The following FRAS1 variants were observed in gnomAD, a reference collection of about 807,000 sequenced individuals.
FRAS1 encodes the protein Fraser extracellular matrix complex subunit 1.
A neutral mutation model predicts 435.2 loss-of-function variants in FRAS1; 290 were observed. That is an observed-to-expected ratio of 0.67 (90% CI 0.61 to 0.73). FRAS1 has a LOEUF of 0.73. Among genes scored for constraint, FRAS1 ranks in the 30% least tolerant of loss-of-function variants. The pLI, the probability that FRAS1 is intolerant of heterozygous loss-of-function variation, is 0.00. For synonymous variants in FRAS1, 1,800 were observed against 1,851.0 expected (o/e 0.97, Z 0.71); for missense variants, 4,860 against 5,001.5 (o/e 0.97, Z 0.85).
In FRAS1 at chr4:78,372,876, C is replaced by A. The variant is rs1363035284; in HGVS notation, c.3010+18C>A. The A allele has an allele frequency of 8.7e-6, 14 of 1,609,282 alleles. No individual in the cohort carries two copies. The South Asian group carries it at 9.9e-5, about 11-fold the overall frequency. ...CTGCAAGAGTAAGTGTGTAGAGGCC[C>A]TGCTCTGTGCTCAGCCATACCTTGG... On this transcript the variant is annotated intron_variant, in intron 24 of 73. Coordinates refer to ENST00000512123, the MANE Select transcript of FRAS1 (RefSeq NM_025074.7).
chr4:78,307,398 G>T (rs1294823467), intron 14 of FRAS1, among the ~76,000 whole-genome samples: 1 of 152,236 alleles, frequency 6.6e-6, no homozygotes, highest in African/African-American at 2.4e-5. Flanking sequence ...CCACCCAGTT[G>T]GAGCTTCCTG....
intron 20 of FRAS1, among the ~76,000 whole-genome samples, chr4:78,358,161 AG>A (rs33949087): frequency 0.17 from 25,667 of 152,096 alleles, 2,860 homozygotes; most frequent in African/African-American, 0.32. Flanking sequence ...TGAAAATTAT[AG>A]GAGTATAGTA....
intron 13 of FRAS1, 152 bp from the exon 14 acceptor site, chr4:78,286,253 A>G (rs1309852289): frequency 3.6e-6 from 3 of 824,140 alleles, no homozygotes; most frequent in Admixed American, 1.9e-5. Context: ...ACTGTGTGCT[A>G]TACAGATGAT....
At chr4:78,333,135 T>C in intron 18 of FRAS1, 137 bp from the exon 19 acceptor site, 1 of 931,724 alleles carries the variant, frequency 1.1e-6, no homozygotes, top group South Asian at 2.3e-5. Flanking sequence ...GTGTGAGATG[T>C]GCAGCCTGTC....
chr4:78,534,148 T>C (rs1450120131), intron 70 of FRAS1, among the ~76,000 whole-genome samples: 1 of 152,144 alleles, frequency 6.6e-6, no homozygotes, highest in African/African-American at 2.4e-5. Context: ...CGGGGAGCAC[T>C]TTAGAAGTCA....
intron 2 of FRAS1, among the ~76,000 whole-genome samples, chr4:78,183,230 G>A (rs1357981415): frequency 6.6e-6 from 1 of 152,150 alleles, no homozygotes; most frequent in Non-Finnish European, 1.5e-5. Context: ...GAGAGTAGTA[G>A]GTGGAATGAT....
chr4:78,404,117 G>A (rs1733009486), intron 30 of FRAS1, among the ~76,000 whole-genome samples: 1 of 152,098 alleles, frequency 6.6e-6, no homozygotes, highest in Non-Finnish European at 1.5e-5. Context: ...ATCATTTGAA[G>A]GAGAATCTGA....
At chr4:78,489,250 G>A (rs1245709560) in intron 59 of FRAS1, among the ~76,000 whole-genome samples, 170 bp downstream of exon 59, 1 of 152,156 alleles carries the variant, frequency 6.6e-6, no homozygotes, top group Non-Finnish European at 1.5e-5. Flanking sequence ...TTGAAAATTT[G>A]TGTATAACTT....
rs1373086372 is a variant in FRAS1 at position 78,543,894 on chromosome 4, A to G, written c.*2770A>G. ...GAACAAACAACTCTCAGTGGTTACTACTTGCTTTTATATGCTGGCTGTGAA... is the reference window on the plus strand; with the variant it reads ...GAACAAACAACTCTCAGTGGTTACTGCTTGCTTTTATATGCTGGCTGTGAA... On this transcript the variant is annotated 3_prime_UTR_variant, in exon 74 of 74. Transcript: ENST00000512123. 6.6e-6 allele frequency: 1 copy of G among 152,408 alleles called. No homozygotes were observed. Among genetic ancestry groups the G allele is most frequent in the Non-Finnish European group, 1.5e-5 (1 of 68,028 alleles). The allele number at this position is 152,408 out of a possible 1,614,324, so 9.4% of individuals were successfully genotyped here. A position where few individuals can be genotyped will look rare whatever the true frequency, so the allele number is the denominator to read the frequency against.
intron 10 of FRAS1, among the ~76,000 whole-genome samples, chr4:78,278,989 C>G (rs1392060694): frequency 6.6e-6 from 1 of 152,178 alleles, no homozygotes; most frequent in Non-Finnish European, 1.5e-5. Flanking sequence ...CCCACACATA[C>G]TACACATCAG....
intron 2 of FRAS1, chr4:78,181,254 C>A: frequency 5.6e-6 from 9 of 1,609,200 alleles, no homozygotes; most frequent in Non-Finnish European, 7.7e-6. Flanking sequence ...TCCTCTTTTA[C>A]CTCTTCAACA....
intron 4 of FRAS1, among the ~76,000 whole-genome samples, chr4:78,249,716 T>C (rs1163632751): frequency 3.9e-5 from 6 of 152,160 alleles, no homozygotes; most frequent in African/African-American, 1.4e-4. Context: ...ATAATAAATT[T>C]ACATGATCAG....
intron 18 of FRAS1, among the ~76,000 whole-genome samples, chr4:78,328,697 T>G (rs959569233): frequency 3.3e-5 from 5 of 152,194 alleles, no homozygotes; most frequent in Admixed American, 2.6e-4. Flanking sequence ...AGGGCCCATC[T>G]AAAACTTTAA....
chr4:78,109,355 A>C (rs2109933572), intron 2 of FRAS1, among the ~76,000 whole-genome samples: 1 of 136,534 alleles, frequency 7.3e-6, no homozygotes, highest in South Asian at 2.6e-4. Context: ...CCTCAATAAA[A>C]TACTGGCAAA....
intron 72 of FRAS1, 106 bp from the exon 73 acceptor site, chr4:78,539,188 C>G (rs1721974626): frequency 2.7e-6 from 3 of 1,111,194 alleles, no homozygotes; most frequent in South Asian, 3.2e-5. Flanking sequence ...TCAACTCAAC[C>G]TAAAGCCAGG....
rs1166591223 is a variant in FRAS1, at chr4:78,481,784, C to G, written c.8444-20C>G. On this transcript the variant is annotated intron_variant, in intron 56 of 73. Coordinates refer to ENST00000512123, the MANE Select transcript of FRAS1 (RefSeq NM_025074.7). ...CTGGCTCAAAGTTGACCATTAAAAT[C>G]TCTATGAATCTTAATTCAGGCACAG... 1.2e-6 allele frequency: 2 copies of G among 1,613,198 alleles called. No individual in the cohort carries two copies. Among genetic ancestry groups the G allele is most frequent in the Non-Finnish European group, 1.7e-6 (2 of 1,179,280 alleles).
chr4:78,286,423 C>T lies in FRAS1; in HGVS notation c.1418C>T (p.Ser473Phe). 3.1e-6 allele frequency: 5 copies of T among 1,613,608 alleles called. No homozygotes were observed. The highest frequency in any genetic ancestry group is 4.2e-6 in the Non-Finnish European group (5 of 1,179,884). ...SLCLACQPQC[S>F]TCTSGLECSS... is the part of the protein sequence containing the mutation. ...GAGTCAGCCTGCCAGCCCCAGTGCTCCACGTGTACCAGTGGGCTGGAGTGC... is the reference window on the plus strand; with the variant it reads ...GAGTCAGCCTGCCAGCCCCAGTGCTTCACGTGTACCAGTGGGCTGGAGTGC... The change falls in exon 14 of 74, where the codon TCC (serine) becomes TTC (phenylalanine). Residue 473 changes from serine to phenylalanine, a missense_variant. Coordinates refer to ENST00000512123, the MANE Select transcript of FRAS1 (RefSeq NM_025074.7).
chr4:78,206,258 T>C (rs1439832428), intron 2 of FRAS1, among the ~76,000 whole-genome samples: 1 of 151,832 alleles, frequency 6.6e-6, no homozygotes, highest in Non-Finnish European at 1.5e-5. Flanking sequence ...GATGTGATGA[T>C]AGAGGTAGTG....
At chr4:78,298,034 A>G (rs56199853) in intron 14 of FRAS1, among the ~76,000 whole-genome samples, 3 of 103,794 alleles carry the variant, frequency 2.9e-5, no homozygotes, top group Non-Finnish European at 5.9e-5. Context: ...CTCTCTCTAT[A>G]TATATATATA....
Sources: allele counts gnomAD v4.1 joint callset (sites outside exome capture counted in the v4.1 genomes callset), GRCh38; gene constraint gnomAD v4.1.1; transcripts MANE v1.5; gene names NCBI Gene and HGNC (gene_info 2026-07-23, HGNC 2026-07-21).